The following AGBL4 variants were observed in gnomAD, a reference collection of about 807,000 sequenced individuals.
AGBL4 encodes AGBL carboxypeptidase 4.
A neutral mutation model predicts 66.4 loss-of-function variants in AGBL4; 58 were observed. That is an observed-to-expected ratio of 0.87 (90% CI 0.71 to 1.09). AGBL4 has a LOEUF of 1.09. Among genes scored for constraint, AGBL4 ranks in the 50% least tolerant of loss-of-function variants. AGBL4 has a pLI of 0.00. For synonymous variants in AGBL4, 234 were observed against 222.9 expected (o/e 1.05, Z -0.44); for missense variants, 579 against 631.0 (o/e 0.92, Z 0.88).
intron 2 of AGBL4, among the ~76,000 whole-genome samples, chr1:49,795,793 C>A (rs1644715831): frequency 6.6e-6 from 1 of 151,786 alleles, no homozygotes; most frequent in African/African-American, 2.4e-5. Context: ...CATATACCAA[C>A]ATAATTTTGA....
At chr1:49,395,795 ATATACATATATATATG>A (rs1298352448) in intron 3 of AGBL4, among the ~76,000 whole-genome samples, 7 of 135,250 alleles carry the variant, frequency 5.2e-5, no homozygotes, top group Non-Finnish European at 9.3e-5. Flanking sequence ...ATATGTATAT[ATATACATATATATATG>A]TATACATATA....
rs77734900 is a variant in AGBL4, at chr1:48,702,869, C to T, written c.635-39628G>A. On this transcript the variant is annotated intron_variant, in intron 6 of 13. Transcript: ENST00000371839. ...TGGAGTAAAACCAACTTCAGGCAGG[C>T]AAAATCAGCCCACAAACAGAACTGG... Among the ~76,000 whole-genome samples the T allele has an allele frequency of 2.9e-3, 442 of 152,196 alleles. 2 individuals carry two copies. The highest frequency in any genetic ancestry group is 0.01 in the African/African-American group (432 of 41,530).
At chr1:49,648,362 C>A (rs1235353144) in intron 3 of AGBL4, among the ~76,000 whole-genome samples, 2 of 150,230 alleles carry the variant, frequency 1.3e-5, no homozygotes, top group Non-Finnish European at 3.0e-5. Context: ...ACAGAATATC[C>A]AAAACCTGTA....
intron 2 of AGBL4, among the ~76,000 whole-genome samples, chr1:49,806,917 C>T (rs1644987826): frequency 6.6e-6 from 1 of 152,168 alleles, no homozygotes; most frequent in Admixed American, 6.5e-5. Context: ...GCAGTAGTTG[C>T]CACCCCTCTA....
At chr1:48,629,169 C>G (rs1022903416) in intron 9 of AGBL4, among the ~76,000 whole-genome samples, 1 of 152,114 alleles carries the variant, frequency 6.6e-6, no homozygotes, top group African/African-American at 2.4e-5. Context: ...GGTGGATGGT[C>G]CTGGGAAGCC....
At chr1:48,635,920 G>A (rs1645661496) in intron 8 of AGBL4, among the ~76,000 whole-genome samples, 1 of 152,184 alleles carries the variant, frequency 6.6e-6, no homozygotes, top group Non-Finnish European at 1.5e-5. Context: ...TACAACATGA[G>A]CATGTTTCTT....
intron 2 of AGBL4, among the ~76,000 whole-genome samples, chr1:49,700,959 A>C (rs1647079261): frequency 6.6e-6 from 1 of 152,186 alleles, no homozygotes; most frequent in African/African-American, 2.4e-5. Context: ...AATGTACCCT[A>C]AAAATTTTAA....
intron 3 of AGBL4, among the ~76,000 whole-genome samples, chr1:49,376,641 C>CT (rs34734933): frequency 1.3e-5 from 2 of 152,006 alleles, no homozygotes; most frequent in Non-Finnish European, 2.9e-5. Context: ...TATTCAGTTA[C>CT]TTTTTTGGTA....
rs192088402 is a variant in AGBL4, at chr1:49,014,242, G to T, written c.594+31342C>A. Among the ~76,000 whole-genome samples, 10 of 152,320 alleles carry T rather than the reference G, an allele frequency of 6.6e-5. No homozygotes were observed. In the East Asian group the frequency reaches 1.9e-3, roughly 29 times the overall value. On this transcript the variant is annotated intron_variant, in intron 5 of 13. Coordinates refer to ENST00000371839, the MANE Select transcript of AGBL4 (RefSeq NM_032785.4). ...AAAGCCTGACTGGAAATGGCTTCCTGAATCCTATATTATCAGTTTTCTGAG... is the reference window on the plus strand; with the variant it reads ...AAAGCCTGACTGGAAATGGCTTCCTTAATCCTATATTATCAGTTTTCTGAG...
intron 5 of AGBL4, among the ~76,000 whole-genome samples, chr1:48,930,820 A>G (rs1461758587): frequency 2.0e-5 from 3 of 152,196 alleles, no homozygotes; most frequent in Non-Finnish European, 4.4e-5. Context: ...TCATTCATTC[A>G]TTCAATCAGT....
intron 6 of AGBL4, among the ~76,000 whole-genome samples, chr1:48,788,136 T>C (rs2148726143): frequency 6.6e-6 from 1 of 152,394 alleles, no homozygotes; most frequent in Middle Eastern, 3.4e-3. Flanking sequence ...GTTTTTCAAC[T>C]GTCAAAGAGA....
At chr1:48,841,667 G>C (rs551253238) in intron 6 of AGBL4, among the ~76,000 whole-genome samples, 1 of 151,906 alleles carries the variant, frequency 6.6e-6, no homozygotes, top group African/African-American at 2.4e-5. Flanking sequence ...AGGCAAAAAG[G>C]GGCCTCCATA....
intron 6 of AGBL4, among the ~76,000 whole-genome samples, chr1:48,789,479 C>T (rs1208268201): frequency 6.6e-6 from 1 of 151,950 alleles, no homozygotes; most frequent in Non-Finnish European, 1.5e-5. Flanking sequence ...TTAGTAGAGA[C>T]AGGGTTTCAC....
intron 3 of AGBL4, among the ~76,000 whole-genome samples, chr1:49,374,651 C>T (rs1570556996): frequency 6.6e-6 from 1 of 152,054 alleles, no homozygotes; most frequent in South Asian, 2.1e-4. Context: ...CTTGACCCTT[C>T]TTTTCTTTTT....
At chr1:48,619,625 G>A in intron 9 of AGBL4, among the ~76,000 whole-genome samples, 1 of 152,182 alleles carries the variant, frequency 6.6e-6, no homozygotes, top group East Asian at 1.9e-4. Flanking sequence ...TTAGCAGTTG[G>A]AGGCTTTTTC....
chr1:49,774,910 G>A (rs1404445851), intron 2 of AGBL4, among the ~76,000 whole-genome samples: 1 of 151,966 alleles, frequency 6.6e-6, no homozygotes, highest in Admixed American at 6.6e-5. Flanking sequence ...AAGTGCACAA[G>A]GATAAATACA....
At position 49,846,221 on chromosome 1, in the gene AGBL4, C is replaced by T; in HGVS notation, c.157+5175G>A. On this transcript the variant is annotated intron_variant, in intron 2 of 13. Coordinates refer to ENST00000371839, the MANE Select transcript of AGBL4 (RefSeq NM_032785.4). ...CTCACTCAGCCAGCACAAAAGGACA[C>T]ACACTGGGGAAAAGCCTTATGAGTG... 1.0e-5 allele frequency: 15 copies of T among 1,459,944 alleles called. No individual in the cohort carries two copies. In the South Asian group the frequency reaches 1.5e-4, roughly 14 times the overall value. The allele number at this position is 1,459,944 out of a possible 1,614,324, so 90.4% of individuals were successfully genotyped here. A position where few individuals can be genotyped will look rare whatever the true frequency, so the allele number is the denominator to read the frequency against.
chr1:48,871,387 T>TG (rs1331388709), intron 5 of AGBL4, among the ~76,000 whole-genome samples: 27 of 74,584 alleles, frequency 3.6e-4, no homozygotes, highest in South Asian at 1.5e-3. Flanking sequence ...GTGTGTGTGT[T>TG]TGTGTGTGTA....
chr1:49,321,966 A>T (rs945812073), intron 3 of AGBL4, among the ~76,000 whole-genome samples: 2 of 152,192 alleles, frequency 1.3e-5, no homozygotes, highest in Admixed American at 6.5e-5. Flanking sequence ...CAGATGGTGT[A>T]CTACAAAAAT....
Sources: gnomAD v4.1 joint callset for allele counts (sites outside exome capture counted in the v4.1 genomes callset) on GRCh38, gnomAD v4.1.1 for gene constraint, MANE v1.5 for transcripts, NCBI Gene and HGNC (gene_info 2026-07-23, HGNC 2026-07-21) for gene names.